Variants in ZNF469 observed in about 807,000 individuals in gnomAD.
ZNF469 encodes the protein zinc finger protein 469.
In ZNF469, 1 loss-of-function variant was observed where a neutral mutation model predicts 1.0. The observed-to-expected ratio is 1.00, with a 90% CI of 0.35 to 4.73. The LOEUF is 4.73. Ranked by LOEUF, ZNF469 falls within the 30% of genes most tolerant of loss-of-function variation. The pLI is 0.16. For synonymous variants in ZNF469, 2,703 were observed against 2,363.4 expected (o/e 1.14, Z -4.17); for missense variants, 6,100 against 5,356.3 (o/e 1.14, Z -4.33).
At chr16:88,306,367 C>T in the ZNF469 span, among the ~76,000 whole-genome samples, 28 of 152,250 alleles carry the variant, frequency 1.8e-4, no homozygotes, top group Non-Finnish European at 3.7e-4. Context: ...AGGGCTGGAG[C>T]TCTCGCACTA....
chr16:88,235,903 C>T, the ZNF469 span, among the ~76,000 whole-genome samples: 3 of 152,178 alleles, frequency 2.0e-5, no homozygotes, highest in Admixed American at 6.5e-5. Flanking sequence ...GACAGATGTG[C>T]GTTGGCTCTG....
the ZNF469 span, among the ~76,000 whole-genome samples, chr16:88,220,788 C>G: frequency 2.0e-5 from 3 of 152,212 alleles, no homozygotes; most frequent in East Asian, 5.8e-4. Flanking sequence ...CATGGGGCCC[C>G]TACACCCTTG....
chr16:88,285,755 G>C, the ZNF469 span, among the ~76,000 whole-genome samples: 1 of 152,238 alleles, frequency 6.6e-6, no homozygotes, highest in East Asian at 1.9e-4. Flanking sequence ...GGCAGTGAGG[G>C]GGTTGGGAGT....
At chr16:88,149,791 C>T in the ZNF469 span, among the ~76,000 whole-genome samples, 1 of 152,210 alleles carries the variant, frequency 6.6e-6, no homozygotes, top group Non-Finnish European at 1.5e-5. Flanking sequence ...CTCTTTCAGT[C>T]TCAGGTTTCT....
the ZNF469 span, among the ~76,000 whole-genome samples, chr16:88,113,691 C>T: frequency 7.9e-5 from 12 of 152,214 alleles, no homozygotes; most frequent in Non-Finnish European, 1.2e-4. Context: ...CTGTCTTAAA[C>T]GGGTAACAAG....
chr16:88,403,768 C>A (rs766446571), intron 1 of ZNF469, among the ~76,000 whole-genome samples: 1 of 152,250 alleles, frequency 6.6e-6, no homozygotes. Flanking sequence ...ACAAAGCATC[C>A]TCCATCCTCC....
chr16:88,345,716 C>T, the ZNF469 span, among the ~76,000 whole-genome samples: 4 of 152,212 alleles, frequency 2.6e-5, no homozygotes, highest in African/African-American at 7.2e-5. Flanking sequence ...CCTGCTTCCA[C>T]CAAAACACTG....
the ZNF469 span, among the ~76,000 whole-genome samples, chr16:88,359,141 T>C: frequency 6.6e-6 from 1 of 152,150 alleles, no homozygotes; most frequent in Admixed American, 6.5e-5. Context: ...AGCACGTGAG[T>C]GTCCTGGGGG....
At position 88,438,399 on chromosome 16, in the gene ZNF469, A is replaced by C. The variant is rs1906756953; in HGVS notation, c.10929A>C (p.Leu3643=). 1.9e-6 allele frequency: 3 copies of C among 1,550,088 alleles called. No individual in the cohort carries two copies. Among genetic ancestry groups the C allele is most frequent in the Non-Finnish European group, 2.6e-6 (3 of 1,146,946 alleles). The part of the protein sequence containing the change: ...CAPDHFQEDH[L]LQKEKEVSSS... Reference sequence around the variant, plus strand: ...CTGACCATTTCCAGGAAGACCACCTACTTCAGAAAGAGAAGGAGGTGTCCT... The same window carrying C: ...CTGACCATTTCCAGGAAGACCACCTCCTTCAGAAAGAGAAGGAGGTGTCCT... Residue 3643 remains leucine, a synonymous_variant, in exon 3 of 3, where the codon CTA becomes CTC. Coordinates refer to ENST00000565624, the MANE Select transcript of ZNF469 (RefSeq NM_001367624.2).
At chr16:88,162,393 C>T in the ZNF469 span, among the ~76,000 whole-genome samples, 1 of 142,226 alleles carries the variant, frequency 7.0e-6, no homozygotes, top group African/African-American at 2.6e-5. Flanking sequence ...ACATCAATGA[C>T]ATAGTGTTAG....
the ZNF469 span, among the ~76,000 whole-genome samples, chr16:88,273,827 C>T: frequency 1.1e-4 from 11 of 99,202 alleles, no homozygotes; most frequent in South Asian, 2.9e-4. Flanking sequence ...TTTTTTGAGA[C>T]GGAGTCTCGC....
rs560708919 is a variant in ZNF469 at position 88,434,739 on chromosome 16, C to T, written c.7269C>T (p.Pro2423=). ...STASDFQSDS[P]QSHRNASHQT... ...CCAGTGACTTCCAGTCTGACTCCCCCCAAAGCCACAGAAATGCCTCCCACC... is the reference window on the plus strand; with the variant it reads ...CCAGTGACTTCCAGTCTGACTCCCCTCAAAGCCACAGAAATGCCTCCCACC... The change falls in exon 3 of 3, where the codon CCC becomes CCT. Residue 2423 remains proline, a synonymous_variant. Transcript: ENST00000565624. 7.1e-6 allele frequency: 11 copies of T among 1,550,308 alleles called. No homozygotes were observed. Among genetic ancestry groups the T allele is most frequent in the Non-Finnish European group, 5.2e-6 (6 of 1,146,992 alleles).
the ZNF469 span, among the ~76,000 whole-genome samples, chr16:88,122,302 T>TCAGA: frequency 6.6e-6 from 1 of 150,828 alleles, no homozygotes. Flanking sequence ...CGATGGCCCC[T>TCAGA]TGGATCACAC....
the ZNF469 span, among the ~76,000 whole-genome samples, chr16:88,131,184 G>C: frequency 6.6e-6 from 1 of 152,222 alleles, no homozygotes; most frequent in African/African-American, 2.4e-5. Context: ...GGCTGTCTGG[G>C]CCATTCCGTG....
chr16:88,387,394 G>A (rs951837369), intron 1 of ZNF469, among the ~76,000 whole-genome samples: 10 of 152,080 alleles, frequency 6.6e-5, no homozygotes, highest in Admixed American at 3.3e-4. Context: ...ACCCACCCCC[G>A]GGTGCCGGGG....
chr16:88,112,966 G>C, the ZNF469 span, among the ~76,000 whole-genome samples: 1 of 151,870 alleles, frequency 6.6e-6, no homozygotes, highest in African/African-American at 2.4e-5. Context: ...TTTTAGTAGA[G>C]ACGGGGTTTC....
At chr16:88,299,642 C>T in the ZNF469 span, among the ~76,000 whole-genome samples, 1 of 152,116 alleles carries the variant, frequency 6.6e-6, no homozygotes, top group African/African-American at 2.4e-5. Context: ...GGCTGGGGGT[C>T]AGGTCGCTGT....
chr16:88,378,597 A>C (rs12445300), upstream of ZNF469, among the ~76,000 whole-genome samples: 2 of 152,094 alleles, frequency 1.3e-5, no homozygotes, highest in African/African-American at 4.8e-5. Context: ...GGCTGCTCAC[A>C]GACCCCTGTA....
In ZNF469 at chr16:88,439,127, A is replaced by G. The variant is rs1187691752; in HGVS notation, c.11657A>G (p.Gln3886Arg). 1.3e-6 allele frequency: 2 copies of G among 1,550,856 alleles called. No homozygotes were observed. Among genetic ancestry groups the G allele is most frequent in the Middle Eastern group, 1.7e-4 (1 of 5,992 alleles). Residue 3886 changes from glutamine to arginine, a missense_variant, in exon 3 of 3, where the codon CAG becomes CGG. Transcript: ENST00000565624. ...EQRKAEPGHT[Q>R]RKDRLGKAFP... ...CGGAAGGCAGAGCCGGGCCACACAC[A>G]GAGGAAGGACAGACTGGGCAAGGCC...
Sources: allele counts gnomAD v4.1 joint callset (sites outside exome capture counted in the v4.1 genomes callset), GRCh38; gene constraint gnomAD v4.1.1; transcripts MANE v1.5; gene names NCBI Gene and HGNC (gene_info 2026-07-23, HGNC 2026-07-21).